The following PFKFB3 variants were observed in gnomAD, a reference collection of about 807,000 sequenced individuals.
The protein encoded by PFKFB3 is 6-phosphofructo-2-kinase/fructose-2,6-bisphosphatase 3.
In PFKFB3, 33 loss-of-function variants were observed where a neutral mutation model predicts 68.0. The observed-to-expected ratio is 0.49, with a 90% CI of 0.37 to 0.65. The LOEUF is 0.65. Among genes scored for constraint, PFKFB3 ranks in the 30% least tolerant of loss-of-function variants. The pLI is 0.00. For missense variants in PFKFB3, 586 were observed against 712.2 expected (o/e 0.82, Z 2.02); for synonymous variants, 315 against 288.2 (o/e 1.09, Z -0.94).
chr10:6,246,440 G>A (rs1005601465), intron 14 of PFKFB3, among the ~76,000 whole-genome samples: 1 of 151,492 alleles, frequency 6.6e-6, no homozygotes, highest in Non-Finnish European at 1.5e-5. Flanking sequence ...CCGGGTTCAA[G>A]CAATTCTTCC....
At chr10:6,262,534 T>A in the PFKFB3 span, among the ~76,000 whole-genome samples, 8 of 151,858 alleles carry the variant, frequency 5.3e-5, no homozygotes, top group African/African-American at 1.9e-4. Flanking sequence ...CCCTTTATGG[T>A]TAGTGCTTTT....
chr10:6,238,390 C>T (rs760102747), downstream of PFKFB3, among the ~76,000 whole-genome samples: 1 of 149,756 alleles, frequency 6.7e-6, no homozygotes, highest in Non-Finnish European at 1.5e-5. Flanking sequence ...GTCTTGAACT[C>T]CTGAACTCGG....
intron 1 of PFKFB3, among the ~76,000 whole-genome samples, chr10:6,186,411 G>A (rs769417316): frequency 6.6e-6 from 1 of 152,174 alleles, no homozygotes; most frequent in African/African-American, 2.4e-5. Context: ...CCCTCCATTA[G>A]CCAATCAAGG....
chr10:6,167,370 T>A (rs1842175786), intron 1 of PFKFB3, among the ~76,000 whole-genome samples: 1 of 152,254 alleles, frequency 6.6e-6, no homozygotes, highest in African/African-American at 2.4e-5. Flanking sequence ...GTAGTGAGGA[T>A]GCATAACGGG....
At chr10:6,291,189 G>T in the PFKFB3 span, among the ~76,000 whole-genome samples, 17 of 152,198 alleles carry the variant, frequency 1.1e-4, no homozygotes, top group South Asian at 6.2e-4. Context: ...AAGTGGCTAG[G>T]TTACATAATC....
intron 14 of PFKFB3, among the ~76,000 whole-genome samples, chr10:6,253,638 G>A (rs1588572306): frequency 6.6e-6 from 1 of 151,990 alleles, no homozygotes; most frequent in African/African-American, 2.4e-5. Flanking sequence ...TGCTGGTGCA[G>A]AGAGGAGAAA....
the PFKFB3 span, among the ~76,000 whole-genome samples, chr10:6,267,295 T>G: frequency 6.6e-6 from 1 of 152,256 alleles, no homozygotes; most frequent in Non-Finnish European, 1.5e-5. Context: ...ATAACGCTCA[T>G]GTTCTGCCAT....
chr10:6,150,523 C>A (rs1841540632), intron 1 of PFKFB3, among the ~76,000 whole-genome samples: 1 of 152,044 alleles, frequency 6.6e-6, no homozygotes, highest in South Asian at 2.1e-4. Context: ...ACTCAGGAGA[C>A]TGAGGCACGA....
At chr10:6,296,633 T>A in the PFKFB3 span, among the ~76,000 whole-genome samples, 1 of 152,214 alleles carries the variant, frequency 6.6e-6, no homozygotes, top group Non-Finnish European at 1.5e-5. Context: ...AGAGGGTTCC[T>A]CCCCTTTTTA....
At chr10:6,164,420 G>A (rs1842068005) in intron 1 of PFKFB3, among the ~76,000 whole-genome samples, 1 of 152,228 alleles carries the variant, frequency 6.6e-6, no homozygotes, top group South Asian at 2.1e-4. Flanking sequence ...AATTGGGGAT[G>A]TTTAACCCAG....
chr10:6,165,208 C>T lies in PFKFB3; in HGVS notation c.16+20195C>T, dbSNP rs532592560. 3.9e-5 allele frequency among the ~76,000 whole-genome samples: 6 copies of T among 152,234 alleles called. No homozygotes were observed. In the East Asian group the frequency reaches 5.8e-4, roughly 15 times the overall value. ...CTGGTTAATCGAGAATGGAGAATGG[C>T]GATGACTTTTACCAAGCATACTGCC... On this transcript the variant is annotated intron_variant, in intron 1 of 14. Coordinates refer to the PFKFB3 transcript ENST00000379789.
the PFKFB3 span, among the ~76,000 whole-genome samples, chr10:6,298,130 G>A: frequency 6.6e-6 from 1 of 152,156 alleles, no homozygotes; most frequent in Non-Finnish European, 1.5e-5. Context: ...CTGATCTCTT[G>A]AGCAAAAGTT....
Position 6,202,962 on chromosome 10 carries a change from G to A in PFKFB3, c.-299G>A, listed in dbSNP as rs543607586. 5 of 1,281,438 alleles carry A rather than the reference G, an allele frequency of 3.9e-6. No individual in the cohort carries two copies. The highest frequency in any genetic ancestry group is 6.0e-4 in the Middle Eastern group (2 of 3,310). The allele number at this position is 1,281,438 out of a possible 1,614,324, so 79.4% of individuals were successfully genotyped here. A position where few individuals can be genotyped will look rare whatever the true frequency, so the allele number is the denominator to read the frequency against. ...AGCCGGAGAGGAGGCGAGCAGCAGG[G>A]CCTGGTGGCGAGAGCGCGGCTGTCA... is the stretch of plus-strand genomic sequence containing the variant. On this transcript the variant is annotated 5_prime_UTR_variant, in exon 1 of 15. Coordinates refer to ENST00000379775, the MANE Select transcript of PFKFB3 (RefSeq NM_004566.4).
At chr10:6,216,408 G>A (rs1278650665) in intron 4 of PFKFB3, among the ~76,000 whole-genome samples, 3 of 152,050 alleles carry the variant, frequency 2.0e-5, no homozygotes, top group East Asian at 3.9e-4. Flanking sequence ...GGCAGGACTC[G>A]AGTTACCCAC....
the PFKFB3 span, among the ~76,000 whole-genome samples, chr10:6,311,376 C>G: frequency 3.3e-5 from 5 of 152,172 alleles, no homozygotes; most frequent in Non-Finnish European, 7.3e-5. Context: ...GCCTTTTGCT[C>G]TCCCTAATTC....
the PFKFB3 span, among the ~76,000 whole-genome samples, chr10:6,270,056 C>T: frequency 5.1e-4 from 77 of 151,990 alleles, no homozygotes; most frequent in South Asian, 6.3e-4. Flanking sequence ...TGCTTGAACC[C>T]GGGAGGCGGA....
upstream of PFKFB3, chr10:6,202,786 G>C (rs554957564): frequency 1.4e-6 from 1 of 729,534 alleles, no homozygotes; most frequent in South Asian, 5.1e-5. Context: ...CGCAGGGGGA[G>C]CTCGCAGGCT....
At chr10:6,292,836 G>A in the PFKFB3 span, among the ~76,000 whole-genome samples, 14 of 152,108 alleles carry the variant, frequency 9.2e-5, no homozygotes, top group African/African-American at 1.9e-4. Flanking sequence ...TCAGGTTTCC[G>A]GAAAAGCAAC....
At chr10:6,153,508 C>A (rs924492874) in intron 1 of PFKFB3, among the ~76,000 whole-genome samples, 1 of 152,026 alleles carries the variant, frequency 6.6e-6, no homozygotes, top group Non-Finnish European at 1.5e-5. Flanking sequence ...AGCAGGTGAA[C>A]GCTGCATGTG....
Sources: gnomAD v4.1 joint callset for allele counts (sites outside exome capture counted in the v4.1 genomes callset) on GRCh38, gnomAD v4.1.1 for gene constraint, MANE v1.5 for transcripts, NCBI Gene and HGNC (gene_info 2026-07-23, HGNC 2026-07-21) for gene names.